The following CHRM3 variants were observed in gnomAD, a reference collection of about 807,000 sequenced individuals.
The protein encoded by CHRM3 is cholinergic receptor muscarinic 3.
In CHRM3, 11 loss-of-function variants were observed where a neutral mutation model predicts 41.8. The ratio of observed to expected loss-of-function variants is 0.26; its 90% CI spans 0.17 to 0.44. The LOEUF (loss-of-function observed/expected upper bound fraction) is 0.44. Among genes scored for constraint, CHRM3 ranks in the 20% least tolerant of loss-of-function variants. The pLI is 1.00. For missense variants in CHRM3, 571 were observed against 745.4 expected (o/e 0.77, Z 2.72); for synonymous variants, 297 against 301.4 (o/e 0.99, Z 0.15).
rs377604968 is a variant in CHRM3 at position 239,768,309 on chromosome 1, C to A, written c.-146-58943C>A. On this transcript the variant is annotated intron_variant, in intron 5 of 6. Coordinates refer to ENST00000676153, the MANE Select transcript of CHRM3 (RefSeq NM_001375978.1). ...TCCATCAATCTAACTATTTAAAGAT[C>A]AGATTTTTGGGGGGAAAACACTAGA... Among the ~76,000 whole-genome samples, 17 of 152,184 alleles carry A rather than the reference C, an allele frequency of 1.1e-4. No individual in the cohort carries two copies. The East Asian group carries it at 2.3e-3, about 21-fold the overall frequency.
At chr1:239,879,202 T>C (rs1316771545) in intron 6 of CHRM3, among the ~76,000 whole-genome samples, 1 of 152,106 alleles carries the variant, frequency 6.6e-6, no homozygotes, top group Non-Finnish European at 1.5e-5. Flanking sequence ...CTGATCATAG[T>C]TCACTGCAGC....
intron 5 of CHRM3, among the ~76,000 whole-genome samples, chr1:239,753,930 G>A (rs960324748): frequency 2.6e-5 from 4 of 152,210 alleles, no homozygotes; most frequent in Non-Finnish European, 5.9e-5. Context: ...CGTCAATCAT[G>A]TGTGACAGAG....
intron 5 of CHRM3, among the ~76,000 whole-genome samples, chr1:239,741,827 G>A (rs765217717): frequency 3.3e-5 from 5 of 152,068 alleles, no homozygotes; most frequent in South Asian, 4.2e-4. Flanking sequence ...TGAGAGCTGC[G>A]GTGGATTAAA....
intron 3 of CHRM3, among the ~76,000 whole-genome samples, chr1:239,565,835 G>T (rs1661305974): frequency 6.6e-6 from 1 of 150,448 alleles, no homozygotes; most frequent in South Asian, 2.1e-4. Context: ...TAGAGAAAAT[G>T]ATATATGTTA....
At chr1:239,851,334 G>T (rs1483937570) in intron 6 of CHRM3, among the ~76,000 whole-genome samples, 1 of 152,142 alleles carries the variant, frequency 6.6e-6, no homozygotes, top group African/African-American at 2.4e-5. Flanking sequence ...TATAAGAAAA[G>T]ATAATTTCTT....
chr1:239,907,357 T>A lies in CHRM3; in HGVS notation c.-19-76T>A. On this transcript the variant is annotated intron_variant, in intron 6 of 6. Coordinates refer to ENST00000676153, the MANE Select transcript of CHRM3 (RefSeq NM_001375978.1). The surrounding 1 kb of genome is among the most constrained non-coding windows in gnomAD (Gnocchi z 5.4). The stretch of plus-strand genomic sequence containing the variant: ...CCTGTAATAGGCCTTCCATGTCTTT[T>A]AACGTATGTAATGCAAAGAACAAAC... 8.9e-7 allele frequency: 1 copy of A among 1,125,056 alleles called. No homozygotes were observed. The highest frequency in any genetic ancestry group is 1.5e-5 in the South Asian group (1 of 66,180). The allele number at this position is 1,125,056 out of a possible 1,614,324, so 69.7% of individuals were successfully genotyped here.
chr1:239,615,510 G>T (rs1397944412), intron 3 of CHRM3, among the ~76,000 whole-genome samples: 1 of 152,046 alleles, frequency 6.6e-6, no homozygotes, highest in Non-Finnish European at 1.5e-5. Context: ...CAGTAGCTTT[G>T]GTTATTAGAA....
rs1404648288 is a variant in CHRM3 at position 239,708,910 on chromosome 1, TTAACTCCAATAAATG to T, written c.-147+30626_-147+30640del. 5.9e-5 allele frequency among the ~76,000 whole-genome samples: 9 copies of T among 152,112 alleles called. No homozygotes were observed. The East Asian group carries it at 1.7e-3, about 29-fold the overall frequency. On this transcript the variant is annotated intron_variant, in intron 5 of 6. Coordinates refer to ENST00000676153, the MANE Select transcript of CHRM3 (RefSeq NM_001375978.1). ...TCTCCTTAAGATCCCACTTTATTTT[TTAACTCCAATAAATG>T]TAATTATCAGCTGCTGAATTGTTTG...
rs565604238 is a variant in CHRM3 at position 239,713,642 on chromosome 1, A to G, written c.-147+35354A>G. 3.9e-5 allele frequency among the ~76,000 whole-genome samples: 6 copies of G among 152,314 alleles called. No individual in the cohort carries two copies. In the East Asian group the frequency reaches 7.7e-4, roughly 20 times the overall value. On this transcript the variant is annotated intron_variant, in intron 5 of 6. Coordinates refer to ENST00000676153, the MANE Select transcript of CHRM3 (RefSeq NM_001375978.1). ...TTAGTTATTCTATAGCTCCCATCAC[A>G]GATCTCCATGGACAGAGAATTTTGC...
At chr1:239,517,171 C>G (rs1669330524) in intron 2 of CHRM3, among the ~76,000 whole-genome samples, 1 of 152,140 alleles carries the variant, frequency 6.6e-6, no homozygotes, top group Admixed American at 6.5e-5. Context: ...ATCCCTGGTG[C>G]CCAAAAGTTT....
Position 239,908,434 on chromosome 1 carries a change from A to G in CHRM3, c.983A>G (p.Asp328Gly). 2 of 1,613,968 alleles carry G rather than the reference A, an allele frequency of 1.2e-6. No individual in the cohort carries two copies. The highest frequency in any genetic ancestry group is 1.7e-6 in the Non-Finnish European group (2 of 1,179,994). ...KSWKPSSEQM[D>G]QDHSSSDSWN... The stretch of plus-strand genomic sequence containing the variant: ...TGGAAACCCAGCTCCGAGCAGATGG[A>G]CCAAGACCACAGCAGCAGTGACAGT... The change falls in exon 7 of 7, where the codon GAC becomes GGC. Residue 328 changes from aspartate (D) to glycine (G), a missense_variant. By Grantham distance (94) the Asp-to-Gly change is moderately conservative. Transcript: ENST00000676153. The surrounding 1 kb of genome is among the most constrained non-coding windows in gnomAD (Gnocchi z 7.2).
At chr1:239,727,246 G>T (rs201080844) in intron 5 of CHRM3, among the ~76,000 whole-genome samples, 4 of 151,932 alleles carry the variant, frequency 2.6e-5, no homozygotes, top group East Asian at 3.9e-4. Flanking sequence ...TTCCTGGAAG[G>T]TTTTCATTTT....
intron 5 of CHRM3, among the ~76,000 whole-genome samples, chr1:239,786,039 T>C (rs758343274): frequency 1.3e-5 from 2 of 152,200 alleles, no homozygotes; most frequent in South Asian, 4.1e-4. Flanking sequence ...AAACATATTA[T>C]CTCAAGTTAT....
At chr1:239,539,405 C>A (rs1658518430) in intron 2 of CHRM3, among the ~76,000 whole-genome samples, 1 of 152,096 alleles carries the variant, frequency 6.6e-6, no homozygotes, top group Non-Finnish European at 1.5e-5. Flanking sequence ...CTTCCACAGC[C>A]CTCAGAGCAC....
chr1:239,635,022 TAC>T (rs1308385140), intron 4 of CHRM3, among the ~76,000 whole-genome samples: 1 of 152,266 alleles, frequency 6.6e-6, no homozygotes, highest in East Asian at 1.9e-4. Flanking sequence ...TATTCAAAGC[TAC>T]AGTTTTTATT....
intron 1 of CHRM3, among the ~76,000 whole-genome samples, chr1:239,483,387 T>G (rs1407134457): frequency 6.6e-6 from 1 of 152,196 alleles, no homozygotes; most frequent in Non-Finnish European, 1.5e-5. Flanking sequence ...TTCCCAGTTT[T>G]GGTTCTCCAT....
At chr1:239,396,653 A>C (rs1040238001) in intron 1 of CHRM3, among the ~76,000 whole-genome samples, 15 of 152,166 alleles carry the variant, frequency 9.9e-5, no homozygotes, top group Admixed American at 9.2e-4. Flanking sequence ...TTGTCTCCTT[A>C]TAAAAGTAAT....
intron 1 of CHRM3, among the ~76,000 whole-genome samples, chr1:239,435,205 A>C (rs1409993092): frequency 1.3e-5 from 2 of 152,068 alleles, no homozygotes; most frequent in African/African-American, 2.4e-5. Flanking sequence ...TAATCCCAGC[A>C]CTTCGGGAGG....
chr1:239,426,370 G>A (rs1361694243), intron 1 of CHRM3, among the ~76,000 whole-genome samples: 1 of 149,850 alleles, frequency 6.7e-6, no homozygotes, highest in African/African-American at 2.5e-5. Context: ...TTTCACCATG[G>A]AAATTGGCAA....
Sources: gnomAD v4.1 joint callset for allele counts (sites outside exome capture counted in the v4.1 genomes callset) on GRCh38, gnomAD v4.1.1 for gene constraint, Gnocchi (gnomAD v3.1) non-coding constraint, MANE v1.5 for transcripts, NCBI Gene and HGNC (gene_info 2026-07-23, HGNC 2026-07-21) for gene names.